Variants in LOC128125818 observed in about 807,000 individuals in gnomAD.
chr4:6,064,979 A>G, the LOC128125818 span: 1 of 1,614,170 alleles, frequency 6.2e-7, no homozygotes, highest in Admixed American at 1.7e-5. This position sits in a 1 kb window ranked among gnomAD's most constrained non-coding sequence, Gnocchi z 4.3. Flanking sequence ...ACTCCTCATC[A>G]AATCCAAAAA....
chr4:6,065,079 G>A, the LOC128125818 span: 1 of 1,586,858 alleles, frequency 6.3e-7, no homozygotes, highest in East Asian at 2.2e-5. The surrounding 1 kb of genome is among the most constrained non-coding windows in gnomAD (Gnocchi z 5.1). Flanking sequence ...CCTGGTCGTG[G>A]GCATGCCAGT....
At chr4:6,069,002 G>A in the LOC128125818 span, among the ~76,000 whole-genome samples, 1,055 of 152,094 alleles carry the variant, frequency 6.9e-3, 16 homozygotes, top group African/African-American at 0.024. This position sits in a 1 kb window ranked among gnomAD's most constrained non-coding sequence, Gnocchi z 4.5. Context: ...ACATGTACTC[G>A]ATTTCTCAAT....
At chr4:6,067,115 C>G in the LOC128125818 span, among the ~76,000 whole-genome samples, 26 of 152,208 alleles carry the variant, frequency 1.7e-4, no homozygotes, top group African/African-American at 6.3e-4. The surrounding 1 kb of genome is among the most constrained non-coding windows in gnomAD (Gnocchi z 4.6). Flanking sequence ...TAGCACATCT[C>G]CCCGCTGACG....
chr4:6,068,395 G>C, the LOC128125818 span, among the ~76,000 whole-genome samples: 1 of 152,126 alleles, frequency 6.6e-6, no homozygotes, highest in Non-Finnish European at 1.5e-5. Flanking sequence ...GCAGCTCTTA[G>C]AGCAGAAACC....
chr4:6,068,994 A>C, the LOC128125818 span, among the ~76,000 whole-genome samples: 1 of 152,196 alleles, frequency 6.6e-6, no homozygotes. Flanking sequence ...GTAAGCCTAC[A>C]TGTACTCGAT....
chr4:6,068,291 A>C, the LOC128125818 span, among the ~76,000 whole-genome samples: 1 of 152,198 alleles, frequency 6.6e-6, no homozygotes, highest in South Asian at 2.1e-4. Flanking sequence ...AAACAGCCTA[A>C]CTCCAGACCC....
At chr4:6,066,484 C>T in the LOC128125818 span, among the ~76,000 whole-genome samples, 1 of 152,134 alleles carries the variant, frequency 6.6e-6, no homozygotes, top group African/African-American at 2.4e-5. Flanking sequence ...ACGACTCTCC[C>T]CCGAACTCCA....
the LOC128125818 span, chr4:6,065,119 A>C: frequency 1.5e-6 from 2 of 1,341,260 alleles, no homozygotes; most frequent in Non-Finnish European, 2.1e-6. The surrounding 1 kb of genome is among the most constrained non-coding windows in gnomAD (Gnocchi z 5.1). Flanking sequence ...CATTTGGGCC[A>C]CTGGGGCATC....
chr4:6,065,131 C>A, the LOC128125818 span: 3 of 1,215,746 alleles, frequency 2.5e-6, no homozygotes, highest in Non-Finnish European at 3.6e-6. This position sits in a 1 kb window ranked among gnomAD's most constrained non-coding sequence, Gnocchi z 5.1. Flanking sequence ...TGGGGCATCA[C>A]AAGATGCGGT....
At chr4:6,067,705 G>A in the LOC128125818 span, among the ~76,000 whole-genome samples, 1 of 141,042 alleles carries the variant, frequency 7.1e-6, no homozygotes, top group Admixed American at 7.1e-5. This position sits in a 1 kb window ranked among gnomAD's most constrained non-coding sequence, Gnocchi z 4.6. Context: ...TGCACACACA[G>A]GTCACCCCCC....
the LOC128125818 span, among the ~76,000 whole-genome samples, chr4:6,067,180 T>A: frequency 3.3e-5 from 5 of 152,190 alleles, no homozygotes; most frequent in African/African-American, 1.2e-4. The surrounding 1 kb of genome is among the most constrained non-coding windows in gnomAD (Gnocchi z 4.6). Context: ...CCCCTTGAAA[T>A]GGAAGCTCCA....
the LOC128125818 span, chr4:6,069,953 A>C: frequency 2.5e-6 from 1 of 393,042 alleles, no homozygotes; most frequent in Non-Finnish European, 4.5e-6. The surrounding 1 kb of genome is among the most constrained non-coding windows in gnomAD (Gnocchi z 4.5). Context: ...TCACCTTCCT[A>C]TCATTTTCAA....
the LOC128125818 span, among the ~76,000 whole-genome samples, chr4:6,067,772 ACGTT>A: frequency 1.4e-5 from 2 of 141,420 alleles, no homozygotes; most frequent in Admixed American, 6.9e-5. The surrounding 1 kb of genome is among the most constrained non-coding windows in gnomAD (Gnocchi z 4.6). Flanking sequence ...CCTGAGCTCC[ACGTT>A]CACTCAAGCT....
At chr4:6,069,256 T>A in the LOC128125818 span, among the ~76,000 whole-genome samples, 3 of 152,196 alleles carry the variant, frequency 2.0e-5, no homozygotes, top group East Asian at 3.8e-4. The surrounding 1 kb of genome is among the most constrained non-coding windows in gnomAD (Gnocchi z 4.5). Context: ...AGAAACTTCA[T>A]TTTTTTGTGT....
the LOC128125818 span, among the ~76,000 whole-genome samples, chr4:6,069,766 A>G: frequency 2.6e-5 from 4 of 151,930 alleles, no homozygotes; most frequent in Non-Finnish European, 4.4e-5. The surrounding 1 kb of genome is among the most constrained non-coding windows in gnomAD (Gnocchi z 4.5). Flanking sequence ...AAAAAAAAAA[A>G]AAAGATTCAG....
At chr4:6,069,519 C>T in the LOC128125818 span, among the ~76,000 whole-genome samples, 1 of 152,078 alleles carries the variant, frequency 6.6e-6, no homozygotes. The surrounding 1 kb of genome is among the most constrained non-coding windows in gnomAD (Gnocchi z 4.5). Context: ...GAGGCTGAGG[C>T]AGAAAGATCG....
chr4:6,066,517 T>C, the LOC128125818 span, among the ~76,000 whole-genome samples: 2 of 152,220 alleles, frequency 1.3e-5, no homozygotes, highest in East Asian at 3.9e-4. Flanking sequence ...AGCTGCGTCC[T>C]TTATGGCATT....
At chr4:6,068,748 T>C in the LOC128125818 span, among the ~76,000 whole-genome samples, 6 of 152,086 alleles carry the variant, frequency 3.9e-5, no homozygotes, top group African/African-American at 1.4e-4. Context: ...ATATTTTTCT[T>C]AAGTAGTGAC....
the LOC128125818 span, among the ~76,000 whole-genome samples, chr4:6,069,415 T>C: frequency 6.6e-6 from 1 of 152,192 alleles, no homozygotes; most frequent in African/African-American, 2.4e-5. This position sits in a 1 kb window ranked among gnomAD's most constrained non-coding sequence, Gnocchi z 4.5. Context: ...AAGCCTCTCC[T>C]TGTTGACTCG....
Sources: allele counts gnomAD v4.1 joint callset (sites outside exome capture counted in the v4.1 genomes callset), GRCh38; gene constraint gnomAD v4.1.1; non-coding constraint Gnocchi (gnomAD v3.1); transcripts MANE v1.5.